PRKCA: variants seen among roughly 807,000 people sequenced by gnomAD.
The protein encoded by PRKCA is protein kinase C alpha.
In PRKCA, 27 loss-of-function variants were observed where a neutral mutation model predicts 87.0. That is an observed-to-expected ratio of 0.31 (90% confidence interval 0.23 to 0.43). The LOEUF is 0.43. Among genes scored for constraint, PRKCA ranks in the 20% least tolerant of loss-of-function variants. PRKCA has a pLI of 1.00. For synonymous variants in PRKCA, 329 were observed against 311.1 expected (o/e 1.06, Z -0.61); for missense variants, 518 against 852.3 (o/e 0.61, Z 4.88).
intron 3 of PRKCA, among the ~76,000 whole-genome samples, chr17:66,574,565 T>C (rs982458868): frequency 6.6e-6 from 1 of 152,162 alleles, no homozygotes; most frequent in Non-Finnish European, 1.5e-5. Flanking sequence ...ACTCCAATAG[T>C]GTCAACTCTG....
intron 2 of PRKCA, among the ~76,000 whole-genome samples, chr17:66,390,885 C>T (rs1030304498): frequency 2.7e-5 from 4 of 148,386 alleles, no homozygotes; most frequent in South Asian, 2.2e-4. Flanking sequence ...CAGGAGTCAA[C>T]GCTGGGGCCA....
chr17:66,307,299 A>T (rs551339023), intron 2 of PRKCA, among the ~76,000 whole-genome samples: 17 of 152,316 alleles, frequency 1.1e-4, no homozygotes, highest in Admixed American at 7.8e-4. Context: ...AAGATGTGTT[A>T]TACCAGTCTC....
chr17:66,687,586 C>T (rs1209465283), intron 6 of PRKCA, among the ~76,000 whole-genome samples: 1 of 152,074 alleles, frequency 6.6e-6, no homozygotes, highest in Non-Finnish European at 1.5e-5. Flanking sequence ...TCTTGATGGA[C>T]TTAGGTTCTT....
In PRKCA at chr17:66,517,855, C is replaced by T. The variant is rs1465248123; in HGVS notation, c.288+21572C>T. On this transcript the variant is annotated intron_variant, in intron 3 of 16. Transcript: ENST00000413366. ...AAAGCAGTTTCTGCTTATCAGTTTA[C>T]GCATGAAAAGTCCACTCTGTGTCTG... Among the ~76,000 whole-genome samples the T allele has an allele frequency of 3.9e-5, 6 of 152,268 alleles. No individual in the cohort carries two copies. The East Asian group carries it at 5.8e-4, about 15-fold the overall frequency.
chr17:66,325,454 C>T (rs551307405), intron 2 of PRKCA, among the ~76,000 whole-genome samples: 3 of 151,966 alleles, frequency 2.0e-5, no homozygotes, highest in Non-Finnish European at 4.4e-5. Context: ...CCTCCCGCCC[C>T]ACTTTAAAAA....
At chr17:66,435,409 C>T (rs188287709) in intron 2 of PRKCA, among the ~76,000 whole-genome samples, 44 of 152,294 alleles carry the variant, frequency 2.9e-4, no homozygotes, top group African/African-American at 8.7e-4. Flanking sequence ...CCCGTGCAGC[C>T]GGCGTTTTGT....
At chr17:66,352,023 A>G (rs1229770049) in intron 2 of PRKCA, among the ~76,000 whole-genome samples, 1 of 152,178 alleles carries the variant, frequency 6.6e-6, no homozygotes, top group African/African-American at 2.4e-5. Context: ...ATGCAGACAG[A>G]CACAAGTCTC....
intron 13 of PRKCA, among the ~76,000 whole-genome samples, chr17:66,751,419 A>G (rs1191975804): frequency 6.6e-6 from 1 of 152,188 alleles, no homozygotes; most frequent in Non-Finnish European, 1.5e-5. Flanking sequence ...ATCCACGGCC[A>G]GTTGCCACCT....
intron 3 of PRKCA, among the ~76,000 whole-genome samples, chr17:66,623,195 A>G (rs932935144): frequency 3.9e-5 from 6 of 152,222 alleles, no homozygotes; most frequent in African/African-American, 1.4e-4. Flanking sequence ...AATCAGATGA[A>G]AGGTCTAGAA....
chr17:66,797,881 C>T (rs759607575), intron 16 of PRKCA, among the ~76,000 whole-genome samples: 2 of 152,234 alleles, frequency 1.3e-5, no homozygotes, highest in Non-Finnish European at 1.5e-5. Flanking sequence ...GCAAAAGGCG[C>T]GGGTGACCTT....
chr17:66,484,965 T>A (rs1386814257), intron 2 of PRKCA, among the ~76,000 whole-genome samples: 1 of 152,020 alleles, frequency 6.6e-6, no homozygotes, highest in African/African-American at 2.4e-5. Flanking sequence ...TGTAATGAAT[T>A]TAAAGAAGGA....
At chr17:66,505,321 C>T (rs1221878358) in intron 3 of PRKCA, among the ~76,000 whole-genome samples, 3 of 152,142 alleles carry the variant, frequency 2.0e-5, no homozygotes, top group Non-Finnish European at 4.4e-5. Context: ...CCACCAACCT[C>T]TGGCCACAGG....
At chr17:66,774,346 C>A in intron 14 of PRKCA, 1 of 1,239,870 alleles carries the variant, frequency 8.1e-7, no homozygotes, top group Non-Finnish European at 1.0e-6. Context: ...GTTGGCCAGG[C>A]GCGGTGGCTC....
At chr17:66,743,311 C>CA (rs1054391001) in intron 13 of PRKCA, among the ~76,000 whole-genome samples, 1 of 152,160 alleles carries the variant, frequency 6.6e-6, no homozygotes, top group Non-Finnish European at 1.5e-5. Context: ...TGGGTGACAG[C>CA]AAGACTCTGT....
chr17:66,453,129 C>T (rs74329859), intron 2 of PRKCA, among the ~76,000 whole-genome samples: 5,957 of 152,094 alleles, frequency 0.039, 353 homozygotes, highest in African/African-American at 0.13. Flanking sequence ...GCTAGGTGGT[C>T]ACGGATGTGG....
intron 3 of PRKCA, among the ~76,000 whole-genome samples, chr17:66,613,779 CTTTTTTTTTTTTTT>C (rs57610655): frequency 4.3e-5 from 3 of 69,386 alleles, no homozygotes; most frequent in Admixed American, 2.6e-4. Flanking sequence ...TGACTTCATC[CTTTTTTTTTTTTTT>C]TTTTTTTTTT....
At chr17:66,643,351 C>T (rs1233874866) in intron 4 of PRKCA, among the ~76,000 whole-genome samples, 1 of 152,116 alleles carries the variant, frequency 6.6e-6, no homozygotes, top group Non-Finnish European at 1.5e-5. Flanking sequence ...TGCTGTACTA[C>T]TTTAACATAA....
chr17:66,769,138 G>T (rs867175778), intron 13 of PRKCA, among the ~76,000 whole-genome samples: 20 of 152,058 alleles, frequency 1.3e-4, no homozygotes, highest in African/African-American at 4.8e-4. Flanking sequence ...GGGCATAGTG[G>T]CTGATACCTG....
intron 2 of PRKCA, among the ~76,000 whole-genome samples, chr17:66,412,326 G>A (rs1911861318): frequency 6.6e-6 from 1 of 151,970 alleles, no homozygotes; most frequent in South Asian, 2.1e-4. Flanking sequence ...TGAAGTGCTG[G>A]GATTACAAGC....
Sources: allele counts gnomAD v4.1 joint callset (sites outside exome capture counted in the v4.1 genomes callset), GRCh38; gene constraint gnomAD v4.1.1; transcripts MANE v1.5; gene names NCBI Gene and HGNC (gene_info 2026-07-23, HGNC 2026-07-21).